ARL8B: variants seen among roughly 807,000 people sequenced by gnomAD.
ARL8B encodes ARF like GTPase 8B, also known as ADP-ribosylation factor-like protein 8B.
In ARL8B, 9 loss-of-function variants were observed where a neutral mutation model predicts 30.6. The ratio of observed to expected loss-of-function variants is 0.29; its 90% CI spans 0.18 to 0.51. ARL8B has a LOEUF of 0.51. Ranked by LOEUF, ARL8B falls within the 20% of genes least tolerant of loss-of-function variation. ARL8B has a pLI of 0.97. For synonymous variants in ARL8B, 74 were observed against 76.0 expected (o/e 0.97, Z 0.14); for missense variants, 130 against 227.2 (o/e 0.57, Z 2.75).
At chr3:5,125,908 A>G (rs2106550861) in intron 1 of ARL8B, among the ~76,000 whole-genome samples, 1 of 152,320 alleles carries the variant, frequency 6.6e-6, no homozygotes, top group East Asian at 1.9e-4. Flanking sequence ...AAAAGTCACA[A>G]AGATAAGGTG....
chr3:5,163,784 T>G (rs1280047533), intron 1 of ARL8B, among the ~76,000 whole-genome samples: 2 of 152,168 alleles, frequency 1.3e-5, no homozygotes, highest in East Asian at 1.9e-4. Flanking sequence ...GCAGGAGAAT[T>G]GCTTGAACCC....
rs1231618407 is a variant in ARL8B, at chr3:5,171,124, A to T, written c.204+541A>T. 2.6e-5 allele frequency among the ~76,000 whole-genome samples: 4 copies of T among 152,258 alleles called. No homozygotes were observed. In the South Asian group the frequency reaches 8.3e-4, roughly 32 times the overall value. On this transcript the variant is annotated intron_variant, in intron 2 of 6. Transcript: ENST00000256496. ...TTTGCCCAATTATTGTGGTTTACAG[A>T]AGCTGTTCACTTTCTCTGTGGCTCA...
rs776013470 is a variant in ARL8B at position 5,122,377 on chromosome 3, G to T, written c.-89G>T. On this transcript the variant is annotated 5_prime_UTR_variant, in exon 1 of 7. Coordinates refer to ENST00000256496, the MANE Select transcript of ARL8B (RefSeq NM_018184.3). ...GCGCCGGGGCACCAAGGAGCCGTTG[G>T]AGGGTCCGGGCGGAGGCCCGCTCGT... 2.6e-5 allele frequency: 42 copies of T among 1,587,212 alleles called. No individual in the cohort carries two copies. The highest frequency in any genetic ancestry group is 3.4e-5 in the Non-Finnish European group (40 of 1,168,516).
chr3:5,142,260 G>T (rs540449430), intron 1 of ARL8B, among the ~76,000 whole-genome samples: 1 of 152,120 alleles, frequency 6.6e-6, no homozygotes, highest in Non-Finnish European at 1.5e-5. Context: ...TAGGATGTGC[G>T]TACAAGTTGA....
intron 1 of ARL8B, among the ~76,000 whole-genome samples, chr3:5,137,775 C>T (rs920117589): frequency 4.6e-5 from 7 of 151,552 alleles, no homozygotes; most frequent in African/African-American, 9.7e-5. Context: ...TTTTTTGTGG[C>T]GACAGGATCT....
intron 6 of ARL8B, among the ~76,000 whole-genome samples, chr3:5,177,191 A>G (rs1032517533): frequency 5.3e-5 from 8 of 152,146 alleles, no homozygotes; most frequent in Admixed American, 4.6e-4. Context: ...TTCTTTCGCT[A>G]TTTGAGGCTG....
chr3:5,180,393 T>C lies in ARL8B; in HGVS notation c.*1680T>C, dbSNP rs2054767879. On this transcript the variant is annotated 3_prime_UTR_variant, in exon 7 of 7. Transcript: ENST00000256496. ...GAAGGGATATTTAAACTTGCTACTGTTGTTCAACACCATTAATGGTCAGTG... is the reference window on the plus strand; with the variant it reads ...GAAGGGATATTTAAACTTGCTACTGCTGTTCAACACCATTAATGGTCAGTG... The C allele has an allele frequency of 6.6e-6, 1 of 152,288 alleles. No individual in the cohort carries two copies. Among genetic ancestry groups the C allele is most frequent in the Non-Finnish European group, 1.5e-5 (1 of 68,042 alleles). The allele number at this position is 152,288 out of a possible 1,614,324, so 9.4% of individuals were successfully genotyped here. A position where few individuals can be genotyped will look rare whatever the true frequency, so the allele number is the denominator to read the frequency against.
rs534100214 is a variant in ARL8B, at chr3:5,166,629, C to T, written c.124-3874C>T. Among the ~76,000 whole-genome samples, 49 of 152,312 alleles carry T rather than the reference C, an allele frequency of 3.2e-4. 1 individual carries two copies. In the South Asian group the frequency reaches 9.1e-3, roughly 28 times the overall value. ...CTGGGATTACAGGTGTGAGCCACCG[C>T]GCCCAGCTGTCTTAAGATATCTTTA... is the stretch of plus-strand genomic sequence containing the variant. On this transcript the variant is annotated intron_variant, in intron 1 of 6. Transcript: ENST00000256496.
intron 1 of ARL8B, 86 bp downstream of exon 1, chr3:5,122,674 C>G: frequency 1.4e-6 from 2 of 1,451,092 alleles, no homozygotes; most frequent in Admixed American, 2.3e-5. Flanking sequence ...TGGGGCCCCC[C>G]TCGGCGCGAT....
At chr3:5,169,639 C>G (rs111592800) in intron 1 of ARL8B, among the ~76,000 whole-genome samples, 5 of 151,704 alleles carry the variant, frequency 3.3e-5, no homozygotes, top group African/African-American at 1.2e-4. Context: ...TTGCATTTCC[C>G]TAATGATTAG....
rs1348068637 is a variant in ARL8B at position 5,165,576 on chromosome 3, A to AAATCTAGTATG, written c.124-4925_124-4915dup. On this transcript the variant is annotated intron_variant, in intron 1 of 6. Coordinates refer to ENST00000256496, the MANE Select transcript of ARL8B (RefSeq NM_018184.3). The stretch of plus-strand genomic sequence containing the variant: ...TTCTTCTGTACTGTACCAAAGGAAA[A>AAATCTAGTATG]AATCTAGTATGAGGCTTTGTCATGC... Among the ~76,000 whole-genome samples the AAATCTAGTATG allele has an allele frequency of 3.9e-5, 6 of 152,182 alleles. No homozygotes were observed. The East Asian group carries it at 1.2e-3, about 29-fold the overall frequency.
rs535871242 is a variant in ARL8B, at chr3:5,180,334, A to G, written c.*1621A>G. ...CTTCTTATTCTTTGAAGCATGTTGCATACTACCCTGGTGGGATGGATGGTT... is the reference window on the plus strand; with the variant it reads ...CTTCTTATTCTTTGAAGCATGTTGCGTACTACCCTGGTGGGATGGATGGTT... On this transcript the variant is annotated 3_prime_UTR_variant, in exon 7 of 7. Transcript: ENST00000256496. 1.3e-5 allele frequency: 2 copies of G among 152,490 alleles called. No individual in the cohort carries two copies. Among genetic ancestry groups the G allele is most frequent in the African/African-American group, 4.8e-5 (2 of 41,588 alleles). The allele number at this position is 152,490 out of a possible 1,614,324, so 9.4% of individuals were successfully genotyped here. A position where few individuals can be genotyped will look rare whatever the true frequency, so the allele number is the denominator to read the frequency against.
chr3:5,170,137 T>C (rs1430408227), intron 1 of ARL8B, among the ~76,000 whole-genome samples: 1 of 152,258 alleles, frequency 6.6e-6, no homozygotes, highest in Non-Finnish European at 1.5e-5. Context: ...ACTGTCAGAA[T>C]AATTTAAATG....
rs2054335795 is a variant in ARL8B at position 5,137,297 on chromosome 3, C to G, written c.123+14709C>G. 2.0e-5 allele frequency among the ~76,000 whole-genome samples: 3 copies of G among 151,928 alleles called. No individual in the cohort carries two copies. The South Asian group carries it at 6.2e-4, about 32-fold the overall frequency. On this transcript the variant is annotated intron_variant, in intron 1 of 6. Coordinates refer to ENST00000256496, the MANE Select transcript of ARL8B (RefSeq NM_018184.3). ...GGGGGTTAGGGCAGGATCATGTGCT[C>G]TACTAGATGCTAGATGAAGTGGAAC...
chr3:5,133,231 G>A (rs115739544), intron 1 of ARL8B, among the ~76,000 whole-genome samples: 2,486 of 152,266 alleles, frequency 0.016, 42 homozygotes, highest in South Asian at 0.051. Context: ...AGATCAGTCA[G>A]CTCCCACAGG....
intron 1 of ARL8B, among the ~76,000 whole-genome samples, chr3:5,154,040 C>T (rs564533330): frequency 6.6e-6 from 1 of 151,882 alleles, no homozygotes; most frequent in East Asian, 1.9e-4. Flanking sequence ...TTCTCTTTGG[C>T]TGCTTTTAAG....
intron 4 of ARL8B, among the ~76,000 whole-genome samples, chr3:5,173,746 A>AAAC (rs1559286957): frequency 3.4e-5 from 5 of 146,028 alleles, no homozygotes; most frequent in Admixed American, 1.4e-4. Flanking sequence ...AACAAACAAA[A>AAAC]AGAATAGCAG....
rs750622749 is a variant in ARL8B, at chr3:5,170,345, A to G, written c.124-158A>G. On this transcript the variant is annotated intron_variant, in intron 1 of 6. Transcript: ENST00000256496. The stretch of plus-strand genomic sequence containing the variant: ...TTGGGACAAAATAATGCATCTCTTC[A>G]AGAATTATGGCCATAAGGAACATGT... 9.9e-4 allele frequency among the ~76,000 whole-genome samples: 151 copies of G among 152,262 alleles called. 2 individuals carry two copies. The highest frequency in any genetic ancestry group is 1.9e-4 in the Non-Finnish European group (13 of 68,046).
chr3:5,138,504 A>G (rs1348103046), intron 1 of ARL8B, among the ~76,000 whole-genome samples: 2 of 152,218 alleles, frequency 1.3e-5, no homozygotes, highest in Admixed American at 1.3e-4. Context: ...ACGAGGCCAG[A>G]GTAAAATGAG....
Sources: allele counts gnomAD v4.1 joint callset (sites outside exome capture counted in the v4.1 genomes callset), GRCh38; gene constraint gnomAD v4.1.1; transcripts MANE v1.5; gene names NCBI Gene and HGNC (gene_info 2026-07-23, HGNC 2026-07-21).